Variants in DNM1 observed in about 807,000 individuals in gnomAD.
DNM1 encodes the protein dynamin-1.
In DNM1, 29 loss-of-function variants were observed where a neutral mutation model predicts 104.6. The observed-to-expected ratio is 0.28, with a 90% CI of 0.21 to 0.38. DNM1 has a LOEUF of 0.38. DNM1 is among the 10% of genes least tolerant of loss of function. The probability of loss-of-function intolerance (pLI) is 1.00; values close to 1 mark genes in which losing one functional copy is unlikely to be tolerated. For missense variants in DNM1, 640 were observed against 1,189.4 expected, an observed-to-expected ratio of 0.54 and a Z score of 6.79; for synonymous variants, 445 against 475.8, an observed-to-expected ratio of 0.94 and a Z score of 0.84.
At position 128,254,581 on chromosome 9, in the gene DNM1, G is replaced by GCTGCGC. The variant is rs1829741519; in HGVS notation, c.2535-72_2535-67dup. On this transcript the variant is annotated intron_variant, in intron 21 of 21. Coordinates refer to ENST00000372923, the MANE Select transcript of DNM1 (RefSeq NM_004408.4). The surrounding 1 kb of genome is among the most constrained non-coding windows in gnomAD (Gnocchi z 6.1). The stretch of plus-strand genomic sequence containing the variant: ...GCGGCGCGGCCGGCCCCGGCCGTGT[G>GCTGCGC]CTGCGCTTGCCTTACCAGCTCTCTC... 1 of 1,587,822 alleles carries GCTGCGC rather than the reference G, an allele frequency of 6.3e-7. No homozygotes were observed. The highest frequency in any genetic ancestry group is 2.3e-5 in the East Asian group (1 of 44,370).
chr9:128,224,151 CT>C lies in DNM1; in HGVS notation c.1197-99del. ...CCAGAGAGGGGTAGTGGAAGGGCCC[CT>C]CAGGCAGAGTTCGTGGGCTTGGGGA... On this transcript the variant is annotated intron_variant, in intron 9 of 21. Transcript: ENST00000372923. The surrounding 1 kb of genome is among the most constrained non-coding windows in gnomAD (Gnocchi z 4.3). 2 of 1,476,986 alleles carry C rather than the reference CT, an allele frequency of 1.4e-6. No homozygotes were observed. The highest frequency in any genetic ancestry group is 1.8e-6 in the Non-Finnish European group (2 of 1,104,398). The allele number at this position is 1,476,986 out of a possible 1,614,324, so 91.5% of individuals were successfully genotyped here.
At chr9:128,205,471 A>G (rs1833883591) in intron 1 of DNM1, among the ~76,000 whole-genome samples, 1 of 152,164 alleles carries the variant, frequency 6.6e-6, no homozygotes. Flanking sequence ...TGGAGGTTAG[A>G]TGCCTTGCCC....
At chr9:128,207,790 A>AC (rs1666126660) in intron 1 of DNM1, among the ~76,000 whole-genome samples, 1 of 152,112 alleles carries the variant, frequency 6.6e-6, no homozygotes, top group Non-Finnish European at 1.5e-5. Flanking sequence ...GGCATGGAGG[A>AC]CGCGCTGCTT....
At chr9:128,251,128 G>C in intron 21 of DNM1, 188 bp downstream of exon 21, 1 of 658,178 alleles carries the variant, frequency 1.5e-6, no homozygotes, top group Non-Finnish European at 2.8e-6. Context: ...CCCCGAGGGA[G>C]CGCTGAGTCC....
chr9:128,235,493 C>CA lies in DNM1; in HGVS notation c.1422+1400dup, dbSNP rs1273191948. ...TGGGCAACAGAGTGAGACTCCGTCT[C>CA]AAAAAAAAAAAAAAGCTGCTTCCTT... On this transcript the variant is annotated intron_variant, in intron 11 of 21. Coordinates refer to ENST00000372923, the MANE Select transcript of DNM1 (RefSeq NM_004408.4). Among the ~76,000 whole-genome samples the CA allele has an allele frequency of 9.8e-3, 1,094 of 111,940 alleles. 5 individuals carry two copies. Among genetic ancestry groups the CA allele is most frequent in the African/African-American group, 0.024 (728 of 30,172 alleles). 73.4% of individuals were successfully genotyped at this position (111,940 alleles called of 152,430 possible). A position where few individuals can be genotyped will look rare whatever the true frequency, so the allele number is the denominator to read the frequency against.
intron 11 of DNM1, among the ~76,000 whole-genome samples, chr9:128,236,216 G>T (rs898624799): frequency 1.3e-5 from 2 of 152,146 alleles, no homozygotes; most frequent in Non-Finnish European, 2.9e-5. Context: ...GCTGCACGGA[G>T]CAGAGGTGAG....
chr9:128,249,654 C>T (rs1829390353), intron 19 of DNM1, among the ~76,000 whole-genome samples: 1 of 134,284 alleles, frequency 7.4e-6, no homozygotes, highest in East Asian at 2.1e-4. Flanking sequence ...GAAACTCCGT[C>T]TCAAAAAAAA....
intron 10 of DNM1, among the ~76,000 whole-genome samples, chr9:128,230,987 G>A (rs1588398244): frequency 6.6e-6 from 1 of 151,796 alleles, no homozygotes; most frequent in Admixed American, 6.6e-5. Flanking sequence ...ATTTTTGGTA[G>A]AGATGGGATT....
At position 128,254,407 on chromosome 9, in the gene DNM1, TG is replaced by T; in HGVS notation, c.2535-243del. ...GTGTGAGAGGCCAGCGTGTGTGGGG[TG>T]GGGAGGGCCGCCACAGCCCCCAGGC... On this transcript the variant is annotated intron_variant, in intron 21 of 21. Transcript: ENST00000372923. This position sits in a 1 kb window ranked among gnomAD's most constrained non-coding sequence, Gnocchi z 6.1. 7.0e-7 allele frequency: 1 copy of T among 1,425,922 alleles called. No homozygotes were observed. Among genetic ancestry groups the T allele is most frequent in the Non-Finnish European group, 9.1e-7 (1 of 1,097,154 alleles). 88.3% of individuals were successfully genotyped at this position (1,425,922 alleles called of 1,614,324 possible).
chr9:128,225,355 G>A (rs1487026233), intron 10 of DNM1, among the ~76,000 whole-genome samples: 1 of 152,202 alleles, frequency 6.6e-6, no homozygotes, highest in Non-Finnish European at 1.5e-5. Flanking sequence ...AGAAAGGGAG[G>A]GGCGGGACTA....
chr9:128,219,256 G>T lies in DNM1; in HGVS notation c.589+4G>T, dbSNP rs751407306. 6 of 1,613,834 alleles carry T rather than the reference G, an allele frequency of 3.7e-6. No individual in the cohort carries two copies. Among genetic ancestry groups the T allele is most frequent in the African/African-American group, 2.7e-5 (2 of 75,066 alleles). On this transcript the variant is annotated splice_donor_region_variant and intron_variant, in intron 4 of 21. Transcript: ENST00000372923. ...GCCAAGGAGGTGGACCCCCAGGGTA[G>T]GTTCCCACCCGGTGGCCAATGCACA...
intron 20 of DNM1, 22 bp downstream of exon 20, chr9:128,250,378 G>T: frequency 6.5e-7 from 1 of 1,549,166 alleles, no homozygotes. Context: ...GGCCCCCACG[G>T]CCCCAAAGCC....
chr9:128,227,138 C>T (rs918006624), intron 10 of DNM1, among the ~76,000 whole-genome samples: 8 of 151,298 alleles, frequency 5.3e-5, no homozygotes, highest in Admixed American at 2.0e-4. Context: ...CTCAGCCTCC[C>T]GGGTGGCTGG....
In DNM1 at chr9:128,254,121, C is replaced by T. The variant is rs2131311602; in HGVS notation, c.2535-533C>T. 1 of 1,260,150 alleles carries T rather than the reference C, an allele frequency of 7.9e-7. No individual in the cohort carries two copies. The highest frequency in any genetic ancestry group is 9.9e-7 in the Non-Finnish European group (1 of 1,007,578). 78.1% of individuals were successfully genotyped at this position (1,260,150 alleles called of 1,614,324 possible). ...TCCGGCTGCCTGCCCTCCCTGCCTC[C>T]CCCAGGGTCCCTTCAGAGGGTCCTG... On this transcript the variant is annotated intron_variant, in intron 21 of 21. Coordinates refer to ENST00000372923, the MANE Select transcript of DNM1 (RefSeq NM_004408.4). The surrounding 1 kb of genome is among the most constrained non-coding windows in gnomAD (Gnocchi z 6.1).
At position 128,222,993 on chromosome 9, in the gene DNM1, CT is replaced by C; in HGVS notation, c.1196+136del. The C allele has an allele frequency of 1.1e-6, 1 of 870,906 alleles. No individual in the cohort carries two copies. The highest frequency in any genetic ancestry group is 1.8e-6 in the Non-Finnish European group (1 of 560,672). 53.9% of individuals were successfully genotyped at this position (870,906 alleles called of 1,614,324 possible). Reference sequence around the variant, plus strand: ...TGTTCCCCAGTCCTCTCGACCCCAACTTTCTGGCTCCCTGCATGACAGGCTC... The same window carrying C: ...TGTTCCCCAGTCCTCTCGACCCCAACTTCTGGCTCCCTGCATGACAGGCTC... On this transcript the variant is annotated intron_variant, in intron 9 of 21. Transcript: ENST00000372923. The surrounding 1 kb of genome is among the most constrained non-coding windows in gnomAD (Gnocchi z 7.8).
rs149793010 is a variant in DNM1, at chr9:128,212,961, A to T, written c.162-5270A>T. ...GCAGAGTCCCTGGCTGACAGTCAGCAATTCATCAGTGTTTAGCCATGATGA... is the reference window on the plus strand; with the variant it reads ...GCAGAGTCCCTGGCTGACAGTCAGCTATTCATCAGTGTTTAGCCATGATGA... On this transcript the variant is annotated intron_variant, in intron 1 of 21. Coordinates refer to ENST00000372923, the MANE Select transcript of DNM1 (RefSeq NM_004408.4). Among the ~76,000 whole-genome samples, 624 of 152,356 alleles carry T rather than the reference A, an allele frequency of 4.1e-3. 6 individuals carry two copies. Among genetic ancestry groups the T allele is most frequent in the Non-Finnish European group, 5.7e-3 (386 of 68,034 alleles).
chr9:128,229,634 G>T (rs948730441), intron 10 of DNM1, among the ~76,000 whole-genome samples: 4 of 148,702 alleles, frequency 2.7e-5, no homozygotes, highest in Non-Finnish European at 4.4e-5. Flanking sequence ...GCTTGGCCAG[G>T]TGCAGTGGCT....
At chr9:128,205,146 G>C (rs1001605442) in intron 1 of DNM1, among the ~76,000 whole-genome samples, 3 of 152,138 alleles carry the variant, frequency 2.0e-5, no homozygotes, top group African/African-American at 7.2e-5. Context: ...CATGACCCCC[G>C]GAGCTGCAGA....
intron 15 of DNM1, chr9:128,244,793 T>C (rs1836655547): frequency 5.6e-6 from 3 of 534,036 alleles, no homozygotes; most frequent in Non-Finnish European, 1.2e-5. Flanking sequence ...GAACAGATAG[T>C]CTAAACACTG....
Sources: allele counts gnomAD v4.1 joint callset (sites outside exome capture counted in the v4.1 genomes callset), GRCh38; gene constraint gnomAD v4.1.1; non-coding constraint Gnocchi (gnomAD v3.1); transcripts MANE v1.5; gene names NCBI Gene and HGNC (gene_info 2026-07-23, HGNC 2026-07-21).